The following ANKS1A variants were observed in gnomAD, a reference collection of about 807,000 sequenced individuals.
ANKS1A encodes ankyrin repeat and sterile alpha motif domain containing 1A, also known as ankyrin repeat and SAM domain-containing protein 1A.
A neutral mutation model predicts 120.3 loss-of-function variants in ANKS1A; 55 were observed. That is an observed-to-expected ratio of 0.46 (90% CI 0.37 to 0.57). The LOEUF (loss-of-function observed/expected upper bound fraction) is 0.57, where lower values mean the gene tolerates loss of function less well. Among genes scored for constraint, ANKS1A ranks in the 20% least tolerant of loss-of-function variants. ANKS1A has a pLI of 0.00. For missense variants in ANKS1A, 1,123 were observed against 1,480.3 expected, an observed-to-expected ratio of 0.76 and a Z score of 3.96; for synonymous variants, 590 against 604.7, an observed-to-expected ratio of 0.98 and a Z score of 0.36.
At chr6:34,997,496 A>G (rs1295286500) in intron 10 of ANKS1A, among the ~76,000 whole-genome samples, 1 of 152,172 alleles carries the variant, frequency 6.6e-6, no homozygotes, top group African/African-American at 2.4e-5. Flanking sequence ...AAGCCTGGCC[A>G]TATTGGTAGA....
At chr6:34,954,659 G>C (rs181592421) in intron 1 of ANKS1A, among the ~76,000 whole-genome samples, 1 of 152,256 alleles carries the variant, frequency 6.6e-6, no homozygotes, top group East Asian at 1.9e-4. Context: ...TGCAGAACAT[G>C]CTTAAACACA....
Position 35,060,327 on chromosome 6 carries a change from C to G in ANKS1A, c.2184+74C>G. 3.7e-6 allele frequency: 5 copies of G among 1,341,912 alleles called. No homozygotes were observed. Among genetic ancestry groups the G allele is most frequent in the Non-Finnish European group, 5.2e-6 (5 of 956,170 alleles). The allele number at this position is 1,341,912 out of a possible 1,614,324, so 83.1% of individuals were successfully genotyped here. Reference sequence around the variant, plus strand: ...CAGGCCTCCCTGGCCTCCCCTCTGGCCCCACAGGAGTCTGCAACAGTACGT... The same window carrying G: ...CAGGCCTCCCTGGCCTCCCCTCTGGGCCCACAGGAGTCTGCAACAGTACGT... On this transcript the variant is annotated intron_variant, in intron 13 of 23. Transcript: ENST00000360359. This position sits in a 1 kb window ranked among gnomAD's most constrained non-coding sequence, Gnocchi z 4.5.
chr6:34,969,315 G>A (rs537454451), intron 2 of ANKS1A, among the ~76,000 whole-genome samples: 30 of 152,220 alleles, frequency 2.0e-4, no homozygotes, highest in African/African-American at 6.7e-4. Context: ...GTGCGATGGC[G>A]TAATCTCAGC....
intron 1 of ANKS1A, among the ~76,000 whole-genome samples, chr6:34,933,750 T>TAGAAA (rs1437343394): frequency 1.2e-4 from 18 of 152,388 alleles, no homozygotes; most frequent in African/African-American, 3.4e-4. Flanking sequence ...TGTTCTAGTT[T>TAGAAA]CTTCCAACCC....
chr6:35,005,640 AAAAGT>A (rs1561907230), intron 10 of ANKS1A: 1 of 408,982 alleles, frequency 2.4e-6, no homozygotes. Context: ...AAAGAAAAGT[AAAAGT>A]AAAGAAACCA....
Position 35,088,724 on chromosome 6 carries a change from C to G in ANKS1A, c.*115C>G. The stretch of plus-strand genomic sequence containing the variant: ...CTGAAGACCCAGGCCTCACCTCCGC[C>G]TGCAGGACCTCCTCTTGGCCACTTG... On this transcript the variant is annotated 3_prime_UTR_variant, in exon 24 of 24. Transcript: ENST00000360359. 1 of 1,607,226 alleles carries G rather than the reference C, an allele frequency of 6.2e-7. No individual in the cohort carries two copies. The highest frequency in any genetic ancestry group is 1.1e-5 in the South Asian group (1 of 90,612).
At chr6:35,069,299 C>G (rs534978669) in intron 13 of ANKS1A, among the ~76,000 whole-genome samples, 3 of 152,002 alleles carry the variant, frequency 2.0e-5, no homozygotes, top group African/African-American at 7.2e-5. Context: ...TCCTGCAGTC[C>G]CCCAACCCCC....
At position 35,088,649 on chromosome 6, in the gene ANKS1A, T is replaced by C; in HGVS notation, c.*40T>C. The C allele has an allele frequency of 1.2e-6, 2 of 1,614,188 alleles. No individual in the cohort carries two copies. The highest frequency in any genetic ancestry group is 1.7e-6 in the Non-Finnish European group (2 of 1,180,022). ...ACACTGTGCTGCGGAAACATAGACG[T>C]GGGGGCATAGGCTCCCACTGCCACC... is the stretch of plus-strand genomic sequence containing the variant. On this transcript the variant is annotated 3_prime_UTR_variant, in exon 24 of 24. Coordinates refer to ENST00000360359, the MANE Select transcript of ANKS1A (RefSeq NM_015245.3).
rs1205731805 is a variant in ANKS1A at position 35,075,338 on chromosome 6, CA to C, written c.2185-3219del. The stretch of plus-strand genomic sequence containing the variant: ...AAATAGATTTCTACATGAACAAAGC[CA>C]GCATAAAAGCCAAAAGATAAATAGC... On this transcript the variant is annotated intron_variant, in intron 13 of 23. Transcript: ENST00000360359. Among the ~76,000 whole-genome samples the C allele has an allele frequency of 3.3e-5, 5 of 151,612 alleles. No individual in the cohort carries two copies. The South Asian group carries it at 1.0e-3, about 32-fold the overall frequency.
At chr6:34,980,884 G>A (rs1185401847) in intron 3 of ANKS1A, among the ~76,000 whole-genome samples, 3 of 152,196 alleles carry the variant, frequency 2.0e-5, no homozygotes, top group Non-Finnish European at 4.4e-5. Flanking sequence ...GGCATTAGAG[G>A]ACTGTGGGTT....
At chr6:34,946,230 C>G (rs1769790996) in intron 1 of ANKS1A, among the ~76,000 whole-genome samples, 1 of 151,932 alleles carries the variant, frequency 6.6e-6, no homozygotes, top group Admixed American at 6.5e-5. Flanking sequence ...ATCCACCTGC[C>G]TTGGACTCCC....
At chr6:35,016,764 CAAA>C (rs145185965) in intron 10 of ANKS1A, among the ~76,000 whole-genome samples, 76 of 131,686 alleles carry the variant, frequency 5.8e-4, no homozygotes, top group East Asian at 8.2e-4. Context: ...TGCACATTCT[CAAA>C]AAAAAAAAAA....
intron 11 of ANKS1A, among the ~76,000 whole-genome samples, chr6:35,043,251 T>C (rs967022505): frequency 2.0e-5 from 3 of 152,230 alleles, no homozygotes; most frequent in African/African-American, 7.2e-5. Flanking sequence ...GAGTTGACAA[T>C]GAGAGCCCAT....
At chr6:34,959,962 C>T (rs1209144559) in intron 1 of ANKS1A, among the ~76,000 whole-genome samples, 4 of 152,056 alleles carry the variant, frequency 2.6e-5, no homozygotes, top group African/African-American at 7.2e-5. Context: ...TGTCCTCCTC[C>T]GTTTTCTACC....
chr6:35,048,574 G>A (rs569224702), intron 11 of ANKS1A, among the ~76,000 whole-genome samples: 23 of 152,114 alleles, frequency 1.5e-4, no homozygotes, highest in African/African-American at 4.8e-4. Flanking sequence ...GAGGCCATGC[G>A]CAATTCAGTC....
chr6:34,898,385 T>C (rs570201896), intron 1 of ANKS1A, among the ~76,000 whole-genome samples: 1 of 152,236 alleles, frequency 6.6e-6, no homozygotes, highest in South Asian at 2.1e-4. Context: ...CAATATTGTA[T>C]ATTGAGTCCC....
chr6:34,982,837 C>T lies in ANKS1A; in HGVS notation c.808+10C>T, dbSNP rs1401865374. 51 of 1,614,122 alleles carry T rather than the reference C, an allele frequency of 3.2e-5. No individual in the cohort carries two copies. The highest frequency in any genetic ancestry group is 4.2e-5 in the Non-Finnish European group (49 of 1,180,012). On this transcript the variant is annotated intron_variant, in intron 5 of 23. Transcript: ENST00000360359. The surrounding 1 kb of genome is among the most constrained non-coding windows in gnomAD (Gnocchi z 4.9). ...ATCCTGCTGGCTGCAGGTGAGAGGT[C>T]GGCAGCGCTCTTGTCTACACAGCGT...
At chr6:34,921,800 C>T (rs1246023374) in intron 1 of ANKS1A, among the ~76,000 whole-genome samples, 1 of 152,150 alleles carries the variant, frequency 6.6e-6, no homozygotes, top group Non-Finnish European at 1.5e-5. Flanking sequence ...TGGGCTTAAG[C>T]GATCCTCCCA....
intron 11 of ANKS1A, among the ~76,000 whole-genome samples, chr6:35,042,888 G>A (rs1775538480): frequency 6.6e-6 from 1 of 152,194 alleles, no homozygotes; most frequent in African/African-American, 2.4e-5. Flanking sequence ...TATATTTGGG[G>A]GACATAAGGT....
Sources: gnomAD v4.1 joint callset for allele counts (sites outside exome capture counted in the v4.1 genomes callset) on GRCh38, gnomAD v4.1.1 for gene constraint, Gnocchi (gnomAD v3.1) non-coding constraint, MANE v1.5 for transcripts, NCBI Gene and HGNC (gene_info 2026-07-23, HGNC 2026-07-21) for gene names.